The following TCF7L1 variants were observed in gnomAD, a reference collection of about 807,000 sequenced individuals.
The protein encoded by TCF7L1 is transcription factor 7 like 1.
TCF7L1 carries 18 observed loss-of-function variants against 63.7 expected under a neutral mutation model. That is an observed-to-expected ratio of 0.28 (90% CI 0.20 to 0.42). The LOEUF (loss-of-function observed/expected upper bound fraction) is 0.42, where lower values mean the gene tolerates loss of function less well. TCF7L1 is among the 10% of genes least tolerant of loss of function. The pLI, the probability that TCF7L1 is intolerant of heterozygous loss-of-function variation, is 1.00. For synonymous variants in TCF7L1, 355 were observed against 340.9 expected (o/e 1.04, Z -0.46); for missense variants, 654 against 779.3 (o/e 0.84, Z 1.91).
At chr2:85,243,631 A>T (rs974638321) in intron 3 of TCF7L1, among the ~76,000 whole-genome samples, 5 of 152,120 alleles carry the variant, frequency 3.3e-5, no homozygotes, top group African/African-American at 1.2e-4. Flanking sequence ...AAGGCTGGGG[A>T]TGGGCTGAGG....
At chr2:85,304,221 C>G (rs372549370) in intron 6 of TCF7L1, 34 bp from the exon 7 acceptor site, 7 of 1,599,454 alleles carry the variant, frequency 4.4e-6, no homozygotes, top group African/African-American at 2.7e-5. Context: ...CTGAGCTTTC[C>G]CAATATGCTG....
intron 4 of TCF7L1, among the ~76,000 whole-genome samples, chr2:85,291,448 C>G (rs568018103): frequency 6.6e-6 from 1 of 152,176 alleles, no homozygotes; most frequent in South Asian, 2.1e-4. Flanking sequence ...ATCGCCTTTC[C>G]ACTAGTTCCA....
At chr2:85,294,926 C>T (rs1441921317) in intron 4 of TCF7L1, among the ~76,000 whole-genome samples, 2 of 151,762 alleles carry the variant, frequency 1.3e-5, no homozygotes, top group Admixed American at 6.6e-5. Context: ...CCCAGCTACT[C>T]GGGAGGCTGA....
chr2:85,303,967 T>TCCCCCCCCCCCCCCC lies in TCF7L1; in HGVS notation c.736_737insCCCCCCCCCCCCCCC (p.Pro245_His246insProProProProPro). Reference sequence around the variant, plus strand: ...CTCTCTCCCGGAGCTGTCGGACAAATCCCCCACCCCCTCGGCTGGCTCGTC... The same window carrying TCCCCCCCCCCCCCCC: ...CTCTCTCCCGGAGCTGTCGGACAAATCCCCCCCCCCCCCCCCCCCCACCCCCTCGGCTGGCTCGTC... On this transcript the variant is annotated inframe_insertion, in exon 6 of 12. Coordinates refer to ENST00000282111, the MANE Select transcript of TCF7L1 (RefSeq NM_031283.3). 1 of 1,610,064 alleles carries TCCCCCCCCCCCCCCC rather than the reference T, an allele frequency of 6.2e-7. No individual in the cohort carries two copies. The highest frequency in any genetic ancestry group is 8.5e-7 in the Non-Finnish European group (1 of 1,178,538).
chr2:85,179,392 T>C (rs1678748854), intron 3 of TCF7L1, among the ~76,000 whole-genome samples: 1 of 152,104 alleles, frequency 6.6e-6, no homozygotes, highest in Admixed American at 6.5e-5. Flanking sequence ...GATTCGGGGA[T>C]TCTGGGGTGG....
chr2:85,243,610 G>A (rs914785957), intron 3 of TCF7L1, among the ~76,000 whole-genome samples: 1 of 152,198 alleles, frequency 6.6e-6, no homozygotes, highest in African/African-American at 2.4e-5. Flanking sequence ...GGGGAGCTGG[G>A]CCAGGAGGAG....
chr2:85,258,428 C>T (rs1347961760), intron 3 of TCF7L1, among the ~76,000 whole-genome samples: 2 of 152,178 alleles, frequency 1.3e-5, no homozygotes, highest in East Asian at 1.9e-4. Flanking sequence ...AGGGGGCTCG[C>T]GTTTGCCTGG....
rs958700755 is a variant in TCF7L1, at chr2:85,134,762, G to A, written c.441+312G>A. Among the ~76,000 whole-genome samples, 1 of 152,208 alleles carries A rather than the reference G, an allele frequency of 6.6e-6. No homozygotes were observed. The highest frequency in any genetic ancestry group is 1.5e-5 in the Non-Finnish European group (1 of 68,050). ...CTTGGATTTGTGCCCGCTTTGGGGG[G>A]GTCTCGCTTTCCTTCTTGGAAATCG... is the stretch of plus-strand genomic sequence containing the variant. On this transcript the variant is annotated intron_variant, in intron 3 of 11. Coordinates refer to ENST00000282111, the MANE Select transcript of TCF7L1 (RefSeq NM_031283.3). This position sits in a 1 kb window ranked among gnomAD's most constrained non-coding sequence, Gnocchi z 5.0.
intron 4 of TCF7L1, 54 bp from the exon 5 acceptor site, chr2:85,302,430 G>A (rs933733435): frequency 1.7e-5 from 27 of 1,612,480 alleles, no homozygotes; most frequent in Non-Finnish European, 2.2e-5. Context: ...ATAACAGCTG[G>A]TCATACTCTC....
intron 3 of TCF7L1, among the ~76,000 whole-genome samples, chr2:85,157,428 G>T (rs900570976): frequency 6.6e-6 from 1 of 152,200 alleles, no homozygotes; most frequent in African/African-American, 2.4e-5. Context: ...CTTTACTCAA[G>T]AGGAAATCAA....
At chr2:85,235,831 A>G (rs1217063815) in intron 3 of TCF7L1, among the ~76,000 whole-genome samples, 2 of 152,056 alleles carry the variant, frequency 1.3e-5, no homozygotes, top group East Asian at 1.9e-4. Context: ...AGATCAGCCT[A>G]GGTAACATAG....
chr2:85,194,692 C>T (rs1050372977), intron 3 of TCF7L1, among the ~76,000 whole-genome samples: 2 of 152,104 alleles, frequency 1.3e-5, no homozygotes, highest in African/African-American at 4.8e-5. Context: ...ATTACAGCAA[C>T]CAGCAGTGTG....
intron 3 of TCF7L1, among the ~76,000 whole-genome samples, chr2:85,281,244 T>G (rs1452956148): frequency 6.6e-6 from 1 of 152,062 alleles, no homozygotes; most frequent in Non-Finnish European, 1.5e-5. Flanking sequence ...AGGCTGGTCT[T>G]GAACTCTTGA....
intron 3 of TCF7L1, among the ~76,000 whole-genome samples, chr2:85,219,306 A>G: frequency 6.6e-6 from 1 of 152,190 alleles, no homozygotes; most frequent in Non-Finnish European, 1.5e-5. Context: ...AATAAATGAC[A>G]CATTTGCGTA....
intron 3 of TCF7L1, among the ~76,000 whole-genome samples, chr2:85,163,224 T>TC (rs1282297829): frequency 1.3e-5 from 2 of 152,136 alleles, no homozygotes; most frequent in Non-Finnish European, 1.5e-5. Flanking sequence ...TTCTAAAAGC[T>TC]CCCCAGGGGC....
chr2:85,164,048 A>G (rs1402432408), intron 3 of TCF7L1, among the ~76,000 whole-genome samples: 13 of 152,142 alleles, frequency 8.5e-5, no homozygotes, highest in Admixed American at 8.5e-4. Flanking sequence ...GGGGGATTCA[A>G]TTCAACCCAT....
At chr2:85,230,303 A>T (rs1385056005) in intron 3 of TCF7L1, among the ~76,000 whole-genome samples, 5 of 152,184 alleles carry the variant, frequency 3.3e-5, no homozygotes, top group Non-Finnish European at 5.9e-5. Flanking sequence ...CTGGAGTACA[A>T]TCCTAGATTT....
At chr2:85,287,635 A>G (rs1681594287) in intron 4 of TCF7L1, among the ~76,000 whole-genome samples, 2 of 152,224 alleles carry the variant, frequency 1.3e-5, no homozygotes, top group African/African-American at 2.4e-5. Flanking sequence ...CGTAGTCTAT[A>G]TTATAATATA....
At chr2:85,179,387 G>A (rs1259607197) in intron 3 of TCF7L1, among the ~76,000 whole-genome samples, 6 of 152,122 alleles carry the variant, frequency 3.9e-5, no homozygotes, top group Non-Finnish European at 8.8e-5. Flanking sequence ...TGTTTGATTC[G>A]GGGATTCTGG....
Sources: allele counts gnomAD v4.1 joint callset (sites outside exome capture counted in the v4.1 genomes callset), GRCh38; gene constraint gnomAD v4.1.1; non-coding constraint Gnocchi (gnomAD v3.1); transcripts MANE v1.5; gene names NCBI Gene and HGNC (gene_info 2026-07-23, HGNC 2026-07-21).